The following NOMO1 variants were observed in gnomAD, a reference collection of about 807,000 sequenced individuals.
NOMO1 encodes the protein NODAL modulator 1.
Under a neutral mutation model 133.8 loss-of-function variants are expected in NOMO1, and 40 were observed. The observed-to-expected ratio is 0.30, with a 90% CI of 0.23 to 0.39. The LOEUF (loss-of-function observed/expected upper bound fraction) is 0.39, where lower values mean the gene tolerates loss of function less well. Among genes scored for constraint, NOMO1 ranks in the 10% least tolerant of loss-of-function variants. The pLI, the probability that NOMO1 is intolerant of heterozygous loss-of-function variation, is 1.00. For missense variants in NOMO1, 462 were observed against 1,419.9 expected (o/e 0.33, Z 10.84); for synonymous variants, 236 against 570.5 (o/e 0.41, Z 8.36).
chr16:14,876,768 C>A lies in NOMO1; in HGVS notation c.2621C>A (p.Ala874Asp). ...ACCATCGGAGACTTCAAGGCCTATG[C>A]CCTGGCAGGCGTAAGCTTTGAGGTA... ...EGTIGDFKAY[A>D]LAGVSFEIKA... Residue 874 changes from alanine to aspartate, a missense_variant, in exon 22 of 31, where the codon GCC (alanine) becomes GAC (aspartate). Transcript: ENST00000287667. 6.2e-7 allele frequency: 1 copy of A among 1,610,648 alleles called. No homozygotes were observed. The highest frequency in any genetic ancestry group is 8.5e-7 in the Non-Finnish European group (1 of 1,179,686).
At chr16:14,883,478 C>T (rs1964274892) in intron 26 of NOMO1, among the ~76,000 whole-genome samples, 2 of 151,738 alleles carry the variant, frequency 1.3e-5, no homozygotes, top group Admixed American at 6.5e-5. Flanking sequence ...ACTACAGGCA[C>T]ACACCATCAC....
At chr16:14,873,003 A>C (rs1275402870) in intron 18 of NOMO1, among the ~76,000 whole-genome samples, 1 of 123,104 alleles carries the variant, frequency 8.1e-6, no homozygotes, top group African/African-American at 2.7e-5. Context: ...CTGTTTATCC[A>C]TCCGTCATCC....
chr16:14,874,535 C>T (rs1276145370), intron 18 of NOMO1, among the ~76,000 whole-genome samples: 3 of 152,076 alleles, frequency 2.0e-5, no homozygotes, highest in African/African-American at 7.3e-5. Context: ...GTGCTCCGGG[C>T]TCTCCGTCTT....
chr16:14,884,144 C>T (rs532882109), intron 26 of NOMO1, among the ~76,000 whole-genome samples: 88 of 151,048 alleles, frequency 5.8e-4, no homozygotes, highest in African/African-American at 2.0e-3. Flanking sequence ...GTAATTCAAA[C>T]GTAGAAAAAA....
intron 4 of NOMO1, among the ~76,000 whole-genome samples, chr16:14,846,050 G>A (rs1352671540): frequency 7.8e-6 from 1 of 127,930 alleles, no homozygotes; most frequent in Non-Finnish European, 1.6e-5. Flanking sequence ...TTTTTAAGAT[G>A]GAGTCTCCCT....
chr16:14,889,011 A>G, intron 28 of NOMO1, 85 bp from the exon 29 acceptor site: 1 of 1,605,862 alleles, frequency 6.2e-7, no homozygotes, highest in Non-Finnish European at 8.5e-7. Flanking sequence ...AGTTCTTTAC[A>G]TCACAGCCAT....
At chr16:14,879,832 T>TA (rs1251589511) in intron 23 of NOMO1, among the ~76,000 whole-genome samples, 183 bp from the exon 24 acceptor site, 1 of 151,324 alleles carries the variant, frequency 6.6e-6, no homozygotes, top group East Asian at 1.9e-4. Context: ...CTGCCGTTGT[T>TA]AGAGTTGTGA....
Position 14,845,914 on chromosome 16 carries a change from C to T in NOMO1, c.403-663C>T, listed in dbSNP as rs529926869. Among the ~76,000 whole-genome samples the T allele has an allele frequency of 3.9e-4, 59 of 151,884 alleles. 1 individual carries two copies. The highest frequency in any genetic ancestry group is 1.4e-3 in the African/African-American group (56 of 41,438). ...GCAGTCTCTCTCACCACAACCTCCG[C>T]CTCCTGGGTTCGAGCAATTCTCCTG... On this transcript the variant is annotated intron_variant, in intron 4 of 30. Coordinates refer to ENST00000287667, the MANE Select transcript of NOMO1 (RefSeq NM_014287.4).
chr16:14,838,249 G>T (rs544071624), intron 1 of NOMO1, among the ~76,000 whole-genome samples, 158 bp from the exon 2 acceptor site: 14 of 151,954 alleles, frequency 9.2e-5, no homozygotes, highest in Non-Finnish European at 2.1e-4. Flanking sequence ...GAGAGAGTTT[G>T]TTGATTTCCC....
intron 27 of NOMO1, 51 bp from the exon 28 acceptor site, chr16:14,886,710 A>T (rs1319493976): frequency 1.2e-5 from 20 of 1,610,466 alleles, no homozygotes; most frequent in African/African-American, 2.7e-5. Flanking sequence ...GCTATGAAAT[A>T]TTGATTGTGT....
In NOMO1 at chr16:14,853,601, T is replaced by C. The variant is rs550478364; in HGVS notation, c.870T>C (p.Thr290=). Residue 290 remains threonine (T), a synonymous_variant, in exon 8 of 31, where the codon ACT becomes ACC. Coordinates refer to ENST00000287667, the MANE Select transcript of NOMO1 (RefSeq NM_014287.4). ...ATTCCTTGCCAAGTGGGGGCTACAC[T>C]GTGGTGAGTAAAGCAGATTTCCGTT... The part of the protein sequence containing the change: ...SFYSLPSGGY[T]VIPFYRGERI... 60 of 1,611,412 alleles carry C rather than the reference T, an allele frequency of 3.7e-5. 2 individuals are homozygous for C. The South Asian group carries it at 6.0e-4, about 16-fold the overall frequency.
Position 14,853,457 on chromosome 16 carries a change from C to A in NOMO1, c.736-10C>A, listed in dbSNP as rs780287914. 4 of 1,551,912 alleles carry A rather than the reference C, an allele frequency of 2.6e-6. No individual in the cohort carries two copies. In the South Asian group the frequency reaches 3.4e-5, roughly 13 times the overall value. ...AAAGGAAGTCTTGTCTTTTTTACCCCCTGGCATAGGATGTCCTGGGCTGCA... is the reference window on the plus strand; with the variant it reads ...AAAGGAAGTCTTGTCTTTTTTACCCACTGGCATAGGATGTCCTGGGCTGCA... On this transcript the variant is annotated splice_polypyrimidine_tract_variant and intron_variant, in intron 7 of 30. Transcript: ENST00000287667.
rs1400941800 is a variant in NOMO1, at chr16:14,860,947, C to T, written c.1221-2066C>T. 3.4e-5 allele frequency among the ~76,000 whole-genome samples: 5 copies of T among 148,400 alleles called. No homozygotes were observed. In the South Asian group the frequency reaches 6.6e-4, roughly 20 times the overall value. On this transcript the variant is annotated intron_variant, in intron 11 of 30. Coordinates refer to ENST00000287667, the MANE Select transcript of NOMO1 (RefSeq NM_014287.4). The stretch of plus-strand genomic sequence containing the variant: ...TCGGCTCACTGCAGCCTCCGCCTCT[C>T]GGGTTCAAGTGATTCTCCTGCCCCA...
intron 13 of NOMO1, 112 bp downstream of exon 13, chr16:14,864,838 G>A (rs1292406520): frequency 2.8e-5 from 42 of 1,524,938 alleles, no homozygotes; most frequent in South Asian, 1.9e-4. Context: ...GATCACCTGC[G>A]TGCGAGGGAG....
Position 14,889,077 on chromosome 16 carries a change from T to G in NOMO1, c.3325-19T>G. 1 of 1,611,800 alleles carries G rather than the reference T, an allele frequency of 6.2e-7. No individual in the cohort carries two copies. Among genetic ancestry groups the G allele is most frequent in the Non-Finnish European group, 8.5e-7 (1 of 1,179,830 alleles). On this transcript the variant is annotated intron_variant, in intron 28 of 30. Transcript: ENST00000287667. ...CAGAGCTGTCCTTGTAAAAATAACT[T>G]CTTCCCATGTGTGCACAGAACTATG... is the stretch of plus-strand genomic sequence containing the variant.
chr16:14,876,687 T>A lies in NOMO1; in HGVS notation c.2540T>A (p.Leu847Gln). 6.2e-7 allele frequency: 1 copy of A among 1,610,676 alleles called. No homozygotes were observed. The highest frequency in any genetic ancestry group is 8.5e-7 in the Non-Finnish European group (1 of 1,179,664). Residue 847 changes from leucine to glutamine, a missense_variant, in exon 22 of 31, where the codon CTG becomes CAG. Coordinates refer to ENST00000287667, the MANE Select transcript of NOMO1 (RefSeq NM_014287.4). ...AYSVGPLHSD[L>Q]EYTVTSQKEG... The stretch of plus-strand genomic sequence containing the variant: ...AGTGTTGGCCCCCTGCACAGTGACC[T>A]GGAGTACACGGTGACCTCACAGAAG...
chr16:14,879,292 T>C (rs1351915880), intron 23 of NOMO1, among the ~76,000 whole-genome samples: 3 of 151,816 alleles, frequency 2.0e-5, no homozygotes, highest in Non-Finnish European at 4.4e-5. Context: ...TAGTTGGTCA[T>C]CTTGTCAGTC....
At chr16:14,894,257 G>C (rs1219669484) in intron 29 of NOMO1, among the ~76,000 whole-genome samples, 1 of 152,108 alleles carries the variant, frequency 6.6e-6, no homozygotes, top group Non-Finnish European at 1.5e-5. Context: ...CCAGTGCATT[G>C]CTTTTCTCCA....
intron 11 of NOMO1, among the ~76,000 whole-genome samples, chr16:14,862,037 A>G (rs1033939955): frequency 5.3e-5 from 8 of 151,610 alleles, no homozygotes; most frequent in Non-Finnish European, 8.8e-5. Flanking sequence ...CACATACACA[A>G]TCTTCCACCA....
Sources: allele counts gnomAD v4.1 joint callset (sites outside exome capture counted in the v4.1 genomes callset), GRCh38; gene constraint gnomAD v4.1.1; transcripts MANE v1.5; gene names NCBI Gene and HGNC (gene_info 2026-07-23, HGNC 2026-07-21).